The following OR1J2 variants were observed in gnomAD, a reference collection of about 807,000 sequenced individuals.
OR1J2 encodes the protein olfactory receptor 1J2.
For synonymous variants in OR1J2, 142 were observed against 99.7 expected (o/e 1.42, Z -2.52); for missense variants, 304 against 246.1 (o/e 1.24, Z -1.57).
At chr9:122,549,574 G>A in the OR1J2 span, among the ~76,000 whole-genome samples, 22 of 152,140 alleles carry the variant, frequency 1.4e-4, no homozygotes, top group Admixed American at 4.6e-4. Flanking sequence ...TCATTTTTCC[G>A]CATATAGCAA....
chr9:122,566,155 A>G, the OR1J2 span, among the ~76,000 whole-genome samples: 1 of 152,256 alleles, frequency 6.6e-6, no homozygotes, highest in Non-Finnish European at 1.5e-5. Context: ...GCTGCATCCT[A>G]TCAAATTATC....
chr9:122,494,918 G>T, the OR1J2 span, among the ~76,000 whole-genome samples: 4 of 152,238 alleles, frequency 2.6e-5, no homozygotes, highest in East Asian at 7.7e-4. Context: ...GCCTGGAAAA[G>T]ATTGTATCTT....
the OR1J2 span, among the ~76,000 whole-genome samples, chr9:122,533,312 A>C: frequency 2.0e-5 from 3 of 152,216 alleles, no homozygotes; most frequent in Non-Finnish European, 4.4e-5. Context: ...ATAGGCTTTA[A>C]AAGGCCATGC....
the OR1J2 span, among the ~76,000 whole-genome samples, chr9:122,533,289 T>C: frequency 2.0e-5 from 3 of 152,016 alleles, no homozygotes; most frequent in African/African-American, 7.3e-5. Context: ...TGGGGGAATT[T>C]TAAGGAGAGT....
At chr9:122,567,787 A>C in the OR1J2 span, 3 of 1,614,092 alleles carry the variant, frequency 1.9e-6, no homozygotes, top group Non-Finnish European at 2.5e-6. Context: ...CCAGAAGTAG[A>C]GGGAATCTTG....
chr9:122,532,722 C>T, the OR1J2 span, among the ~76,000 whole-genome samples: 9 of 152,158 alleles, frequency 5.9e-5, no homozygotes, highest in Admixed American at 3.9e-4. Context: ...CGGCAGCAGC[C>T]GCTGCACGGA....
chr9:122,480,057 C>T, the OR1J2 span, among the ~76,000 whole-genome samples: 5 of 151,950 alleles, frequency 3.3e-5, no homozygotes, highest in Non-Finnish European at 7.4e-5. Context: ...AGCTTATAAG[C>T]GATTTATTTT....
the OR1J2 span, among the ~76,000 whole-genome samples, chr9:122,480,254 T>G: frequency 1.3e-5 from 2 of 152,100 alleles, no homozygotes; most frequent in Non-Finnish European, 2.9e-5. Context: ...AATAGACATG[T>G]TTATAATGAG....
chr9:122,519,788 C>T, the OR1J2 span: 3 of 1,614,180 alleles, frequency 1.9e-6, no homozygotes, highest in Non-Finnish European at 2.5e-6. Context: ...GCATCTTGAT[C>T]TCTTATGGCC....
At chr9:122,523,513 G>T in the OR1J2 span, among the ~76,000 whole-genome samples, 2 of 152,250 alleles carry the variant, frequency 1.3e-5, no homozygotes, top group South Asian at 4.1e-4. Flanking sequence ...CTTGAATCAA[G>T]ATGCTTAATT....
the OR1J2 span, among the ~76,000 whole-genome samples, chr9:122,531,975 T>C: frequency 6.6e-6 from 1 of 152,072 alleles, no homozygotes; most frequent in Non-Finnish European, 1.5e-5. Flanking sequence ...TTGCCAGTCC[T>C]GGGCGGAGGC....
chr9:122,486,885 T>G, the OR1J2 span, among the ~76,000 whole-genome samples: 1 of 152,218 alleles, frequency 6.6e-6, no homozygotes, highest in Non-Finnish European at 1.5e-5. Context: ...ATTAAAGAGG[T>G]GGAATCTGTA....
At chr9:122,502,997 A>G in the OR1J2 span, among the ~76,000 whole-genome samples, 514 of 152,308 alleles carry the variant, frequency 3.4e-3, 2 homozygotes, top group Middle Eastern at 0.01. Context: ...TAGTATTCCA[A>G]CCCTCCAGGA....
At chr9:122,471,993 A>G in the OR1J2 span, among the ~76,000 whole-genome samples, 3 of 152,198 alleles carry the variant, frequency 2.0e-5, no homozygotes, top group Admixed American at 2.0e-4. Flanking sequence ...CTATAAAACA[A>G]TACTGGTCAG....
the OR1J2 span, among the ~76,000 whole-genome samples, chr9:122,478,567 A>G: frequency 6.6e-6 from 1 of 152,180 alleles, no homozygotes; most frequent in Non-Finnish European, 1.5e-5. Flanking sequence ...CATGTAAACA[A>G]TTACTCCAAA....
the OR1J2 span, chr9:122,471,540 G>T: frequency 6.6e-6 from 1 of 152,138 alleles, no homozygotes; most frequent in African/African-American, 2.4e-5. Context: ...AAGTAAAGAG[G>T]TTCCTCACTT....
At chr9:122,552,790 G>GTGTGTGTC in the OR1J2 span, among the ~76,000 whole-genome samples, 1 of 149,174 alleles carries the variant, frequency 6.7e-6, no homozygotes, top group Non-Finnish European at 1.5e-5. Flanking sequence ...GTGTGTGTGT[G>GTGTGTGTC]TGTGTGTTGG....
At chr9:122,480,569 G>C in the OR1J2 span, among the ~76,000 whole-genome samples, 1 of 146,824 alleles carries the variant, frequency 6.8e-6, no homozygotes, top group African/African-American at 2.5e-5. Flanking sequence ...TTTTTTTTTG[G>C]CTGTTGAATC....
chr9:122,562,029 C>A, the OR1J2 span, among the ~76,000 whole-genome samples: 1 of 152,172 alleles, frequency 6.6e-6, no homozygotes, highest in Non-Finnish European at 1.5e-5. Flanking sequence ...TCCTTGAGCC[C>A]CTGGCGGGAG....
Sources: allele counts gnomAD v4.1 joint callset (sites outside exome capture counted in the v4.1 genomes callset), GRCh38; gene constraint gnomAD v4.1.1; transcripts MANE v1.5; gene names NCBI Gene and HGNC (gene_info 2026-07-23, HGNC 2026-07-21).